Variants in NAALADL2 observed in about 807,000 individuals in gnomAD.
NAALADL2 encodes N-acetylated alpha-linked acidic dipeptidase like 2.
In NAALADL2, 76 loss-of-function variants were observed where a neutral mutation model predicts 87.2. The ratio of observed to expected loss-of-function variants is 0.87; its 90% CI spans 0.72 to 1.05. The LOEUF is 1.05. Among genes scored for constraint, NAALADL2 ranks in the 50% least tolerant of loss-of-function variants. The pLI is 0.00. For synonymous variants in NAALADL2, 354 were observed against 331.0 expected, an observed-to-expected ratio of 1.07 and a Z score of -0.75; for missense variants, 1,089 against 945.8, an observed-to-expected ratio of 1.15 and a Z score of -1.99.
chr3:175,303,671 C>T (rs908446232), intron 4 of NAALADL2, among the ~76,000 whole-genome samples: 3 of 152,152 alleles, frequency 2.0e-5, no homozygotes, highest in Non-Finnish European at 4.4e-5. Flanking sequence ...TTGGTTTGGC[C>T]TGCATTCCCA....
chr3:174,957,682 T>C (rs576944875), intron 1 of NAALADL2, among the ~76,000 whole-genome samples: 32 of 152,086 alleles, frequency 2.1e-4, no homozygotes, highest in African/African-American at 7.7e-4. Context: ...TTGATTTATT[T>C]TTAGGCTTGG....
rs116657334 is a variant in NAALADL2 at position 175,480,357 on chromosome 3, T to C, written c.1653+8599T>C. ...CATAGCGCATTGTTGTAGACATATA[T>C]CAATGGCAACCATCTCATCCACAAG... On this transcript the variant is annotated intron_variant, in intron 9 of 13. Coordinates refer to ENST00000454872, the MANE Select transcript of NAALADL2 (RefSeq NM_207015.3). 4.7e-3 allele frequency among the ~76,000 whole-genome samples: 712 copies of C among 151,924 alleles called. 10 individuals carry two copies. Among genetic ancestry groups the C allele is most frequent in the African/African-American group, 0.017 (689 of 41,526 alleles).
chr3:174,641,567 G>T (rs539029317), intron 2 of NAALADL2, among the ~76,000 whole-genome samples: 1 of 152,100 alleles, frequency 6.6e-6, no homozygotes, highest in Non-Finnish European at 1.5e-5. Flanking sequence ...GTGGAGTGAC[G>T]CTGGGAATTC....
At chr3:175,131,638 G>C (rs1266229970) in intron 2 of NAALADL2, among the ~76,000 whole-genome samples, 4 of 152,146 alleles carry the variant, frequency 2.6e-5, no homozygotes, top group Non-Finnish European at 5.9e-5. Context: ...ATCCTGGCCC[G>C]TTCTCAATGA....
rs150247542 is a variant in NAALADL2, at chr3:174,742,555, G to A, written c.-9+4809G>A. ...CGTATGCAATACTTTAACATTTAAA[G>A]CACAAAAAAGAGTATTTATTGAAAG... On this transcript the variant is annotated intron_variant, in intron 3 of 3. Coordinates refer to the NAALADL2 transcript ENST00000434257. 6.1e-3 allele frequency among the ~76,000 whole-genome samples: 920 copies of A among 151,374 alleles called. 4 individuals carry two copies. Among genetic ancestry groups the A allele is most frequent in the Middle Eastern group, 0.02 (6 of 294 alleles).
intron 2 of NAALADL2, among the ~76,000 whole-genome samples, chr3:174,659,791 G>GT (rs1223467191): frequency 1.3e-5 from 2 of 152,112 alleles, no homozygotes; most frequent in Non-Finnish European, 2.9e-5. Flanking sequence ...TCATGTGGTC[G>GT]TTTTTTAATA....
intron 5 of NAALADL2, among the ~76,000 whole-genome samples, chr3:175,361,494 G>A (rs1400394386): frequency 1.3e-5 from 2 of 148,164 alleles, no homozygotes; most frequent in Non-Finnish European, 3.0e-5. Flanking sequence ...CAGTGTAAAA[G>A]TGTTCCTATT....
intron 4 of NAALADL2, among the ~76,000 whole-genome samples, chr3:175,271,306 G>T (rs896602211): frequency 8.5e-5 from 13 of 152,076 alleles, no homozygotes; most frequent in Non-Finnish European, 1.5e-5. Context: ...TAAAATGATA[G>T]AATAAATTTA....
chr3:175,784,891 C>T (rs1319700368), intron 13 of NAALADL2, among the ~76,000 whole-genome samples: 1 of 110,232 alleles, frequency 9.1e-6, no homozygotes, highest in Non-Finnish European at 1.7e-5. Context: ...CCCAGAGATT[C>T]TGGTATGTTG....
Position 175,221,634 on chromosome 3 carries a change from A to G in NAALADL2, c.546-12297A>G, listed in dbSNP as rs1303251415. 4.6e-5 allele frequency among the ~76,000 whole-genome samples: 7 copies of G among 152,208 alleles called. No homozygotes were observed. In the East Asian group the frequency reaches 1.4e-3, roughly 29 times the overall value. On this transcript the variant is annotated intron_variant, in intron 2 of 13. Transcript: ENST00000454872. ...TGTGAAACCTCTCTTATTTAACCAG[A>G]TATCAGGACAATATATCTGTTTTTA...
At chr3:174,463,964 C>A (rs1356318471) in intron 1 of NAALADL2, among the ~76,000 whole-genome samples, 1 of 151,774 alleles carries the variant, frequency 6.6e-6, no homozygotes, top group East Asian at 1.9e-4. Flanking sequence ...TCTTAAGTGC[C>A]TGTTTAAAAA....
At chr3:175,314,742 C>T (rs147901620) in intron 4 of NAALADL2, among the ~76,000 whole-genome samples, 1,376 of 110,502 alleles carry the variant, frequency 0.012, 22 homozygotes, top group Non-Finnish European at 0.019. Flanking sequence ...GGTACCGCAA[C>T]AAAATGTATT....
At chr3:175,493,333 C>T (rs1553909610) in intron 9 of NAALADL2, among the ~76,000 whole-genome samples, 1 of 152,070 alleles carries the variant, frequency 6.6e-6, no homozygotes, top group Non-Finnish European at 1.5e-5. Flanking sequence ...TTTGGATTTA[C>T]CTTCTCTTGA....
chr3:175,761,070 A>C (rs1436053678), intron 13 of NAALADL2, among the ~76,000 whole-genome samples: 2 of 152,204 alleles, frequency 1.3e-5, no homozygotes, highest in Non-Finnish European at 2.9e-5. Context: ...GATACAAACT[A>C]AAATGAATAG....
At chr3:174,869,425 G>A (rs1727531653) in intron 1 of NAALADL2, among the ~76,000 whole-genome samples, 1 of 152,088 alleles carries the variant, frequency 6.6e-6, no homozygotes, top group Non-Finnish European at 1.5e-5. Context: ...AAATAGAAGG[G>A]GTGTGTCTGA....
chr3:175,038,930 C>G (rs570657859), intron 1 of NAALADL2, among the ~76,000 whole-genome samples: 55 of 152,168 alleles, frequency 3.6e-4, no homozygotes, highest in African/African-American at 1.1e-3. Flanking sequence ...AACAAATGCC[C>G]ATCCTATCTA....
At chr3:174,585,935 T>C (rs1199841234) in intron 2 of NAALADL2, among the ~76,000 whole-genome samples, 1 of 152,200 alleles carries the variant, frequency 6.6e-6, no homozygotes, top group Non-Finnish European at 1.5e-5. Context: ...TTCTATTTTC[T>C]GGTCTGTACA....
chr3:174,794,062 T>C (rs1453346038), intron 3 of NAALADL2, among the ~76,000 whole-genome samples: 5 of 152,084 alleles, frequency 3.3e-5, no homozygotes, highest in Admixed American at 1.3e-4. Flanking sequence ...GGAGAGAATG[T>C]GAGAAGTCCA....
intron 1 of NAALADL2, among the ~76,000 whole-genome samples, chr3:174,927,230 G>A (rs1034078106): frequency 1.3e-5 from 2 of 152,082 alleles, no homozygotes; most frequent in Non-Finnish European, 2.9e-5. Context: ...GACCTACAAC[G>A]AGACTTAGAC....
Sources: gnomAD v4.1 joint callset for allele counts (sites outside exome capture counted in the v4.1 genomes callset) on GRCh38, gnomAD v4.1.1 for gene constraint, MANE v1.5 for transcripts, NCBI Gene and HGNC (gene_info 2026-07-23, HGNC 2026-07-21) for gene names.